SAMD12: variants seen among roughly 807,000 people sequenced by gnomAD.
SAMD12 encodes sterile alpha motif domain-containing protein 12.
A neutral mutation model predicts 15.0 loss-of-function variants in SAMD12; 9 were observed. The observed-to-expected ratio is 0.60, with a 90% CI of 0.36 to 1.05. The LOEUF is 1.05. Among genes scored for constraint, SAMD12 ranks in the 50% least tolerant of loss-of-function variants. The pLI, the probability that SAMD12 is intolerant of heterozygous loss-of-function variation, is 0.01. For missense variants in SAMD12, 230 were observed against 234.2 expected (o/e 0.98, Z 0.12); for synonymous variants, 86 against 90.1 (o/e 0.96, Z 0.25).
At chr8:118,616,382 C>A (rs999682897) in intron 1 of SAMD12, among the ~76,000 whole-genome samples, 1 of 151,904 alleles carries the variant, frequency 6.6e-6, no homozygotes, top group Non-Finnish European at 1.5e-5. Flanking sequence ...TAGTCCTTGC[C>A]GTAGAAAGTA....
intron 2 of SAMD12, among the ~76,000 whole-genome samples, chr8:118,570,622 A>C (rs1456340274): frequency 2.6e-5 from 4 of 152,180 alleles, no homozygotes; most frequent in African/African-American, 9.7e-5. Context: ...ATGGGAATTT[A>C]GTTTAATTCC....
At chr8:118,363,886 A>T (rs1011900880) in intron 4 of SAMD12, among the ~76,000 whole-genome samples, 3 of 152,240 alleles carry the variant, frequency 2.0e-5, no homozygotes, top group Admixed American at 1.3e-4. Flanking sequence ...AACTAAATGC[A>T]GAATTTATTA....
chr8:118,616,284 T>C (rs942147192), intron 1 of SAMD12, among the ~76,000 whole-genome samples: 1 of 152,210 alleles, frequency 6.6e-6, no homozygotes, highest in African/African-American at 2.4e-5. Context: ...TGGGAGTTAC[T>C]GTGGGAATCA....
rs78019444 is a variant in SAMD12 at position 118,425,421 on chromosome 8, T to A, written c.322+14411A>T. ...TTGGGCATGATGGTGCACACCTATA[T>A]CCCTGGCTACTCAGGAGGCTAAGGC... On this transcript the variant is annotated intron_variant, in intron 3 of 3. Coordinates refer to ENST00000314727, the MANE Select transcript of SAMD12 (RefSeq NM_207506.3). Among the ~76,000 whole-genome samples, 1,507 of 152,280 alleles carry A rather than the reference T, an allele frequency of 9.9e-3. 17 individuals carry two copies. The highest frequency in any genetic ancestry group is 0.018 in the African/African-American group (743 of 41,546).
chr8:118,440,339 C>T (rs763022815), intron 2 of SAMD12, among the ~76,000 whole-genome samples: 2 of 152,148 alleles, frequency 1.3e-5, no homozygotes, highest in Admixed American at 1.3e-4. Context: ...ATTTATCTCT[C>T]GCTGTCCCTG....
At chr8:118,332,267 C>G (rs1008499401) in intron 4 of SAMD12, among the ~76,000 whole-genome samples, 4 of 152,144 alleles carry the variant, frequency 2.6e-5, no homozygotes, top group African/African-American at 4.8e-5. Flanking sequence ...TTTTGCAAAA[C>G]TATTTAATTC....
chr8:118,165,442 G>T, the SAMD12 span, among the ~76,000 whole-genome samples: 2 of 151,760 alleles, frequency 1.3e-5, no homozygotes, highest in African/African-American at 4.8e-5. Context: ...TTTTAGTAGA[G>T]ACGGGGTTTC....
chr8:118,500,067 CTTTTTTTT>C (rs563321387), intron 2 of SAMD12, among the ~76,000 whole-genome samples: 3 of 72,566 alleles, frequency 4.1e-5, no homozygotes, highest in Admixed American at 4.1e-4. Flanking sequence ...TGAGTTTTGC[CTTTTTTTT>C]TTTTTTTTTT....
intron 2 of SAMD12, among the ~76,000 whole-genome samples, chr8:118,549,655 C>A (rs1243184920): frequency 1.3e-5 from 2 of 152,212 alleles, no homozygotes; most frequent in East Asian, 3.8e-4. Flanking sequence ...CAGTTCCTCA[C>A]CAGCAATGGA....
intron 4 of SAMD12, among the ~76,000 whole-genome samples, chr8:118,276,332 T>C (rs1319819596): frequency 6.6e-6 from 1 of 152,262 alleles, no homozygotes; most frequent in Non-Finnish European, 1.5e-5. Context: ...TATAGTTGCC[T>C]GAAGAATGTT....
chr8:118,212,320 T>G (rs1811853377), intron 4 of SAMD12, among the ~76,000 whole-genome samples: 1 of 152,050 alleles, frequency 6.6e-6, no homozygotes, highest in Admixed American at 6.6e-5. Flanking sequence ...TTAAAAAAAA[T>G]GTACCACTGA....
intron 4 of SAMD12, among the ~76,000 whole-genome samples, chr8:118,238,273 T>C (rs1729275778): frequency 6.6e-6 from 1 of 152,128 alleles, no homozygotes; most frequent in Admixed American, 6.6e-5. Flanking sequence ...AGCCAATATT[T>C]TTGGTCTCAA....
the SAMD12 span, among the ~76,000 whole-genome samples, chr8:118,158,342 C>T: frequency 1.3e-5 from 2 of 152,206 alleles, no homozygotes; most frequent in African/African-American, 4.8e-5. Context: ...GCAGGAGTGG[C>T]CTGTCTGGAG....
chr8:118,381,451 T>A (rs1015330570), intron 3 of SAMD12, among the ~76,000 whole-genome samples: 2 of 152,240 alleles, frequency 1.3e-5, no homozygotes, highest in African/African-American at 4.8e-5. Context: ...TGTTAATTTC[T>A]TACCTTACAT....
At chr8:118,157,500 T>C in the SAMD12 span, among the ~76,000 whole-genome samples, 1 of 152,234 alleles carries the variant, frequency 6.6e-6, no homozygotes, top group East Asian at 1.9e-4. Context: ...GTTAGCATTG[T>C]CTGTACTCCA....
chr8:118,172,058 G>A, the SAMD12 span, among the ~76,000 whole-genome samples: 1 of 152,050 alleles, frequency 6.6e-6, no homozygotes, highest in African/African-American at 2.4e-5. Context: ...TGAACAATGA[G>A]AATACTTGGA....
At chr8:118,368,821 C>T (rs984256588) in intron 4 of SAMD12, among the ~76,000 whole-genome samples, 7 of 152,210 alleles carry the variant, frequency 4.6e-5, no homozygotes, top group African/African-American at 1.7e-4. Flanking sequence ...TAGAACACAA[C>T]TGAAGTTTGC....
At chr8:118,448,368 T>C (rs76399146) in intron 2 of SAMD12, among the ~76,000 whole-genome samples, 14,038 of 152,264 alleles carry the variant, frequency 0.092, 741 homozygotes, top group Non-Finnish European at 0.11. Flanking sequence ...CTACTGTTTA[T>C]TATATGTCTC....
chr8:118,368,010 A>ACTGCTACTGAT (rs1238240626), intron 4 of SAMD12, among the ~76,000 whole-genome samples: 3 of 152,200 alleles, frequency 2.0e-5, no homozygotes, highest in Non-Finnish European at 4.4e-5. Context: ...CATAATTCTA[A>ACTGCTACTGAT]CTGCTACTGA....
Sources: gnomAD v4.1 joint callset for allele counts (sites outside exome capture counted in the v4.1 genomes callset) on GRCh38, gnomAD v4.1.1 for gene constraint, MANE v1.5 for transcripts, NCBI Gene and HGNC (gene_info 2026-07-23, HGNC 2026-07-21) for gene names.